The following CABP4 variants were observed in gnomAD, a reference collection of about 807,000 sequenced individuals.
The protein encoded by CABP4 is calcium-binding protein 4.
A neutral mutation model predicts 30.7 loss-of-function variants in CABP4; 30 were observed. The observed-to-expected ratio is 0.98, with a 90% CI of 0.73 to 1.33. The LOEUF (loss-of-function observed/expected upper bound fraction) is 1.33. Ranked by LOEUF, CABP4 falls within the 40% of genes most tolerant of loss-of-function variation. The probability of loss-of-function intolerance (pLI) is 0.00; values close to 1 mark genes in which losing one functional copy is unlikely to be tolerated. For missense variants in CABP4, 424 were observed against 395.5 expected (o/e 1.07, Z -0.61); for synonymous variants, 161 against 159.2 (o/e 1.01, Z -0.08).
intron 2 of CABP4, 27 bp downstream of exon 2, chr11:67,456,245 G>C: frequency 6.2e-7 from 1 of 1,613,622 alleles, no homozygotes; most frequent in Non-Finnish European, 8.5e-7. Flanking sequence ...GCTGGCAGGG[G>C]GTGGGAGCTG....
In CABP4 at chr11:67,455,686, C is replaced by A. The variant is rs11605013; in HGVS notation, c.263C>A (p.Pro88His). 1 of 1,608,028 alleles carries A rather than the reference C, an allele frequency of 6.2e-7. No individual in the cohort carries two copies. ...EGPAGAPPASPGPASSRQSHR... is the reference protein window; with the variant it reads ...EGPAGAPPASHGPASSRQSHR... Reference sequence around the variant, plus strand: ...CCGGCGGGCGCACCCCCTGCATCCCCTGGGCCGGCCTCTTCTCGCCAGTCC... The same window carrying A: ...CCGGCGGGCGCACCCCCTGCATCCCATGGGCCGGCCTCTTCTCGCCAGTCC... Residue 88 changes from proline to histidine, a missense_variant, in exon 1 of 6, where the codon CCT becomes CAT. Coordinates refer to ENST00000325656, the MANE Select transcript of CABP4 (RefSeq NM_145200.5).
chr11:67,452,560 G>C, upstream of CABP4: 1 of 1,607,752 alleles, frequency 6.2e-7, no homozygotes, highest in South Asian at 1.1e-5. Context: ...GGGCCTGGGA[G>C]CCGGCCAGCC....
Position 67,456,346 on chromosome 11 carries a change from A to G in CABP4, c.445A>G (p.Ile149Val), listed in dbSNP as rs781377373. Reference protein sequence around the residue: ...EEFDTDRDGYISHRELGDCMR... With the variant: ...EEFDTDRDGYVSHRELGDCMR... ...GTTTGACACTGACCGTGACGGCTAC[A>G]TCAGCCACCGGGAGCTGGGTGACTG... Residue 149 changes from isoleucine (I) to valine (V), a missense_variant, in exon 3 of 6, where the codon ATC (isoleucine) becomes GTC (valine). By Grantham distance (29) the Ile-to-Val change is conservative. Coordinates refer to ENST00000325656, the MANE Select transcript of CABP4 (RefSeq NM_145200.5). The G allele has an allele frequency of 3.7e-6, 6 of 1,613,742 alleles. No individual in the cohort carries two copies.
At chr11:67,455,022 G>C (rs905987311), upstream of CABP4, among the ~76,000 whole-genome samples, 6 of 152,214 alleles carry the variant, frequency 3.9e-5, no homozygotes, top group Admixed American at 2.0e-4. Flanking sequence ...CCTAACGAAG[G>C]CCTCTGCCCA....
intron 5 of CABP4, 36 bp from the exon 6 acceptor site, chr11:67,458,595 G>A (rs747341293): frequency 7.4e-6 from 12 of 1,614,014 alleles, no homozygotes; most frequent in East Asian, 2.2e-5. Context: ...GATCCCTGAC[G>A]TGGACTGACC....
chr11:67,453,615 C>G (rs898628782), upstream of CABP4: 1 of 139,724 alleles, frequency 7.2e-6, no homozygotes, highest in Non-Finnish European at 1.5e-5. Context: ...GAGCCAAGAT[C>G]GTGCCATCGC....
chr11:67,457,656 C>G lies in CABP4; in HGVS notation c.625C>G (p.Arg209Gly). The G allele has an allele frequency of 6.3e-7, 1 of 1,599,336 alleles. No individual in the cohort carries two copies. The highest frequency in any genetic ancestry group is 1.3e-5 in the African/African-American group (1 of 74,832). ...GGAGACGGCGCACATGCTGGGGGTG[C>G]GAGAGCTGCGCATCGCCTTCCGAGA... ...REETAHMLGV[R>G]ELRIAFREFD... Residue 209 changes from arginine to glycine, a missense_variant, in exon 4 of 6, where the codon CGA becomes GGA. Coordinates refer to ENST00000325656, the MANE Select transcript of CABP4 (RefSeq NM_145200.5).
At chr11:67,453,578 T>C (rs1373448134), upstream of CABP4, 1 of 150,200 alleles carries the variant, frequency 6.7e-6, no homozygotes, top group Non-Finnish European at 1.5e-5. Flanking sequence ...GGAGAATCGC[T>C]TGAACCCGGG....
chr11:67,456,056 C>T (rs1028559358), intron 1 of CABP4, 132 bp from the exon 2 acceptor site: 9 of 1,540,518 alleles, frequency 5.8e-6, no homozygotes, highest in South Asian at 1.1e-5. Flanking sequence ...CTGGGTCCCA[C>T]GAGGCTTCAG....
intron 3 of CABP4, 54 bp downstream of exon 3, chr11:67,456,496 A>T (rs1864809146): frequency 6.3e-7 from 1 of 1,594,058 alleles, no homozygotes. Context: ...GGGGGTCACG[A>T]GGGGCTGGCA....
chr11:67,454,937 G>T (rs931591585), upstream of CABP4, among the ~76,000 whole-genome samples: 1 of 152,148 alleles, frequency 6.6e-6, no homozygotes, highest in African/African-American at 2.4e-5. Flanking sequence ...TAGGCCACTC[G>T]CTCATCCTTT....
chr11:67,457,627 G>A lies in CABP4; in HGVS notation c.596G>A (p.Arg199Lys). The stretch of plus-strand genomic sequence containing the variant: ...GTAGAACTGATAGGCCCAAAGCTGA[G>A]GGAGGAGACGGCGCACATGCTGGGG... ...EFVELIGPKL[R>K]EETAHMLGVR... The change falls in exon 4 of 6, where the codon AGG becomes AAG. Residue 199 changes from arginine to lysine, a missense_variant. Transcript: ENST00000325656. 7 of 1,605,610 alleles carry A rather than the reference G, an allele frequency of 4.4e-6. No individual in the cohort carries two copies. Among genetic ancestry groups the A allele is most frequent in the South Asian group, 1.1e-5 (1 of 89,292 alleles).
chr11:67,460,899 G>T lies in CABP4; in HGVS notation c.*2240G>T, dbSNP rs1344315313. 2.6e-5 allele frequency among the ~76,000 whole-genome samples: 4 copies of T among 151,430 alleles called. No individual in the cohort carries two copies. Among genetic ancestry groups the T allele is most frequent in the Non-Finnish European group, 5.9e-5 (4 of 67,900 alleles). ...ACTAGGGAGGCTGAGGCAAGAGAAT[G>T]GCGTGAACCCAGGAGGCGGAGCTTG... On this transcript the variant is annotated 3_prime_UTR_variant, in exon 6 of 6. Transcript: ENST00000325656.
At chr11:67,454,180 G>A (rs545267495), upstream of CABP4, among the ~76,000 whole-genome samples, 50 of 152,256 alleles carry the variant, frequency 3.3e-4, no homozygotes, top group Admixed American at 1.8e-3. Flanking sequence ...GAGTTGGAGG[G>A]CACCCAGACC....
Position 67,461,651 on chromosome 11 carries a change from A to C in CABP4, c.*2992A>C, listed in dbSNP as rs757994378. On this transcript the variant is annotated 3_prime_UTR_variant, in exon 6 of 6. Transcript: ENST00000325656. Reference sequence around the variant, plus strand: ...GCTTTGAGGCTTTGGTCTCTGTTGCAGCTGCTCACGCAACTCTGCTGTTGA... The same window carrying C: ...GCTTTGAGGCTTTGGTCTCTGTTGCCGCTGCTCACGCAACTCTGCTGTTGA... 6.6e-6 allele frequency: 1 copy of C among 152,232 alleles called. No homozygotes were observed. The highest frequency in any genetic ancestry group is 1.5e-5 in the Non-Finnish European group (1 of 68,042). 9.4% of individuals were successfully genotyped at this position (152,232 alleles called of 1,614,324 possible).
upstream of CABP4, among the ~76,000 whole-genome samples, chr11:67,453,966 C>G (rs368560355): frequency 3.7e-4 from 57 of 152,276 alleles, no homozygotes; most frequent in African/African-American, 1.3e-3. Flanking sequence ...GATGAGGTCT[C>G]TGAGCCTCAG....
At chr11:67,452,645 G>A, upstream of CABP4, 1 of 1,613,288 alleles carries the variant, frequency 6.2e-7, no homozygotes, top group Non-Finnish European at 8.5e-7. Context: ...GCCACCTTGG[G>A]GGTAGGAGTC....
Position 67,459,074 on chromosome 11 carries a change from A to T in CABP4, c.*415A>T. On this transcript the variant is annotated 3_prime_UTR_variant, in exon 6 of 6. Coordinates refer to ENST00000325656, the MANE Select transcript of CABP4 (RefSeq NM_145200.5). ...TTTTTAATGAACTTGAGCCGGGTGCAGTGGCTCACACCTGTAAGCCCAGCT... is the reference window on the plus strand; with the variant it reads ...TTTTTAATGAACTTGAGCCGGGTGCTGTGGCTCACACCTGTAAGCCCAGCT... 2 of 250,574 alleles carry T rather than the reference A, an allele frequency of 8.0e-6. No homozygotes were observed. Among genetic ancestry groups the T allele is most frequent in the Non-Finnish European group, 1.6e-5 (2 of 126,486 alleles). 15.5% of individuals were successfully genotyped at this position (250,574 alleles called of 1,614,324 possible).
At chr11:67,452,732 C>A (rs1284284700), upstream of CABP4, 1 of 1,544,020 alleles carries the variant, frequency 6.5e-7, no homozygotes, top group Non-Finnish European at 8.7e-7. Flanking sequence ...CATTTGGGGT[C>A]CCCAGAGTCC....
Sources: gnomAD v4.1 joint callset for allele counts (sites outside exome capture counted in the v4.1 genomes callset) on GRCh38, gnomAD v4.1.1 for gene constraint, MANE v1.5 for transcripts, NCBI Gene and HGNC (gene_info 2026-07-23, HGNC 2026-07-21) for gene names.